The following PPM1F variants were observed in gnomAD, a reference collection of about 807,000 sequenced individuals.
PPM1F encodes protein phosphatase, Mg2+/Mn2+ dependent 1F.
In PPM1F, 17 loss-of-function variants were observed where a neutral mutation model predicts 35.5. The ratio of observed to expected loss-of-function variants is 0.48; its 90% CI spans 0.33 to 0.72. The LOEUF is 0.72. Ranked by LOEUF, PPM1F falls within the 30% of genes least tolerant of loss-of-function variation. The pLI, the probability that PPM1F is intolerant of heterozygous loss-of-function variation, is 0.02. For missense variants in PPM1F, 521 were observed against 613.0 expected, an observed-to-expected ratio of 0.85 and a Z score of 1.59; for synonymous variants, 241 against 255.5, an observed-to-expected ratio of 0.94 and a Z score of 0.54.
Position 21,919,901 on chromosome 22 carries a change from C to A in PPM1F, c.*3191G>T, listed in dbSNP as rs2070427822. 1.3e-5 allele frequency: 2 copies of A among 152,286 alleles called. No homozygotes were observed. 9.4% of individuals were successfully genotyped at this position (152,286 alleles called of 1,614,324 possible). A position where few individuals can be genotyped will look rare whatever the true frequency, so the allele number is the denominator to read the frequency against. ...AGGAGAGGAGAGGAGAGGGAGGGGG[C>A]CCCATACTGGCCCTGCCGTCTGCAC... is the stretch of plus-strand genomic sequence containing the variant. On this transcript the variant is annotated 3_prime_UTR_variant, in exon 8 of 8. Transcript: ENST00000263212.
chr22:21,943,112 C>T (rs1169271609), intron 2 of PPM1F: 1 of 152,200 alleles, frequency 6.6e-6, no homozygotes. Flanking sequence ...TCCTGGATGG[C>T]CTCCAGAAGG....
At chr22:21,935,194 C>A (rs1205547278) in intron 3 of PPM1F, 1 of 152,208 alleles carries the variant, frequency 6.6e-6, no homozygotes, top group Non-Finnish European at 1.5e-5. Flanking sequence ...AGAATGAACT[C>A]CTGATGCATC....
Position 21,925,678 on chromosome 22 carries a change from C to A in PPM1F, c.892-16G>T. ...CCTTCTCATCCTGCAGAAACACAGCCAGAGTTGGGGGCAGGGCCGGGGGGA... is the reference window on the plus strand; with the variant it reads ...CCTTCTCATCCTGCAGAAACACAGCAAGAGTTGGGGGCAGGGCCGGGGGGA... On this transcript the variant is annotated splice_polypyrimidine_tract_variant and intron_variant, in intron 6 of 7. Coordinates refer to ENST00000263212, the MANE Select transcript of PPM1F (RefSeq NM_014634.4). 1.3e-6 allele frequency: 2 copies of A among 1,565,554 alleles called. No individual in the cohort carries two copies. Among genetic ancestry groups the A allele is most frequent in the Non-Finnish European group, 1.7e-6 (2 of 1,149,018 alleles).
intron 1 of PPM1F, chr22:21,948,502 A>T (rs979768588): frequency 2.0e-5 from 3 of 152,244 alleles, no homozygotes; most frequent in African/African-American, 7.2e-5. Flanking sequence ...GCCCCAGCAG[A>T]GCTGTAAGGC....
chr22:21,944,078 A>G (rs1328268457), intron 2 of PPM1F: 3 of 152,098 alleles, frequency 2.0e-5, no homozygotes, highest in African/African-American at 7.3e-5. Flanking sequence ...AGAAGGCAGA[A>G]CGTGAGGCCT....
intron 7 of PPM1F, among the ~76,000 whole-genome samples, chr22:21,924,198 G>C (rs1231357603): frequency 6.6e-6 from 1 of 151,958 alleles, no homozygotes; most frequent in Non-Finnish European, 1.5e-5. Flanking sequence ...AGGAGGTGTG[G>C]TCACAGTGCC....
chr22:21,931,916 G>T (rs2070595730), intron 5 of PPM1F, among the ~76,000 whole-genome samples: 1 of 152,094 alleles, frequency 6.6e-6, no homozygotes, highest in Admixed American at 6.6e-5. Context: ...GGGCTCAAGT[G>T]ATTCTCATGC....
rs769089726 is a variant in PPM1F at position 21,923,362 on chromosome 22, G to A, written c.1095C>T (p.Val365=). The A allele has an allele frequency of 1.9e-5, 31 of 1,613,684 alleles. No individual in the cohort carries two copies. In the Admixed American group the frequency reaches 2.0e-4, roughly 10 times the overall value. ...GGCCAACAACTTCCTGGTGGGGTACGACGTCAAAGAAGCCATCACAGGCAA... is the reference window on the plus strand; with the variant it reads ...GGCCAACAACTTCCTGGTGGGGTACAACGTCAAAGAAGCCATCACAGGCAA... ...LLLACDGFFD[V]VPHQEVVGLV... Residue 365 remains valine (V), a synonymous_variant, in exon 8 of 8, where the codon GTC becomes GTT. Transcript: ENST00000263212.
intron 1 of PPM1F, 131 bp from the exon 2 acceptor site, chr22:21,946,239 C>G (rs1307528660): frequency 6.5e-6 from 3 of 461,922 alleles, no homozygotes; most frequent in Non-Finnish European, 1.1e-5. Context: ...GAGGGACAAC[C>G]CTGGCCACTG....
intron 3 of PPM1F, chr22:21,936,597 C>T (rs1267647420): frequency 6.6e-6 from 1 of 152,302 alleles, no homozygotes; most frequent in East Asian, 1.9e-4. Flanking sequence ...CAAAGAGGCC[C>T]TGCGCCTCCC....
intron 7 of PPM1F, 48 bp downstream of exon 7, chr22:21,925,521 G>T: frequency 6.4e-7 from 1 of 1,564,224 alleles, no homozygotes; most frequent in Non-Finnish European, 8.8e-7. Context: ...CGAGGCCTGG[G>T]CTTCCGAGAG....
chr22:21,946,202 C>T (rs1177128593), intron 1 of PPM1F, 94 bp from the exon 2 acceptor site: 1 of 589,152 alleles, frequency 1.7e-6, no homozygotes, highest in Non-Finnish European at 2.8e-6. Flanking sequence ...GGTGCATGGC[C>T]TCATGGTTCA....
chr22:21,948,568 C>A (rs1028995346), intron 1 of PPM1F: 1 of 152,240 alleles, frequency 6.6e-6, no homozygotes, highest in Non-Finnish European at 1.5e-5. Flanking sequence ...GCAGTGCAAG[C>A]GGCCAAGGGC....
intron 1 of PPM1F, chr22:21,950,699 G>C (rs1162613222): frequency 1.3e-5 from 2 of 151,772 alleles, no homozygotes. Flanking sequence ...CTTGGCTCAC[G>C]GCAACCTCCG....
chr22:21,935,563 A>G (rs1383104561), intron 3 of PPM1F: 1 of 152,242 alleles, frequency 6.6e-6, no homozygotes. Flanking sequence ...ATCTCAAAAC[A>G]AAAAGTTTAA....
intron 3 of PPM1F, chr22:21,935,992 G>T (rs2070653862): frequency 6.6e-6 from 1 of 152,186 alleles, no homozygotes; most frequent in South Asian, 2.1e-4. Context: ...GCGAAACTCA[G>T]TCGCAAATGA....
chr22:21,928,257 G>A (rs752305269), intron 6 of PPM1F, among the ~76,000 whole-genome samples: 4 of 152,142 alleles, frequency 2.6e-5, no homozygotes, highest in Non-Finnish European at 4.4e-5. Flanking sequence ...CCGCAGCAGC[G>A]TCGCCTATGG....
chr22:21,952,183 C>G (rs1347748545), intron 1 of PPM1F: 1 of 152,304 alleles, frequency 6.6e-6, no homozygotes, highest in Non-Finnish European at 1.5e-5. Context: ...CTTGCCTGAC[C>G]GAACCCAGCG....
At chr22:21,948,746 T>G (rs2070804691) in intron 1 of PPM1F, 1 of 152,264 alleles carries the variant, frequency 6.6e-6, no homozygotes, top group East Asian at 1.9e-4. Flanking sequence ...TCATGTGAAT[T>G]TATGATTAGG....
Sources: allele counts gnomAD v4.1 joint callset (sites outside exome capture counted in the v4.1 genomes callset), GRCh38; gene constraint gnomAD v4.1.1; transcripts MANE v1.5; gene names NCBI Gene and HGNC (gene_info 2026-07-23, HGNC 2026-07-21).